Variants in KCNK2 observed in about 807,000 individuals in gnomAD.
KCNK2 encodes the protein potassium channel subfamily K member 2.
Under a neutral mutation model 40.5 loss-of-function variants are expected in KCNK2, and 21 were observed. The ratio of observed to expected loss-of-function variants is 0.52; its 90% CI spans 0.37 to 0.75. The LOEUF is 0.75. Among genes scored for constraint, KCNK2 ranks in the 30% least tolerant of loss-of-function variants. The pLI, the probability that KCNK2 is intolerant of heterozygous loss-of-function variation, is 0.00. For synonymous variants in KCNK2, 191 were observed against 202.2 expected (o/e 0.94, Z 0.47); for missense variants, 399 against 531.6 (o/e 0.75, Z 2.45).
chr1:215,221,262 T>C (rs1044545272), intron 6 of KCNK2, among the ~76,000 whole-genome samples: 1 of 152,134 alleles, frequency 6.6e-6, no homozygotes, highest in African/African-American at 2.4e-5. Context: ...TAATCCCAGC[T>C]ACTCAGGAGG....
At chr1:215,097,956 G>A (rs113758743) in intron 2 of KCNK2, among the ~76,000 whole-genome samples, 69 of 152,012 alleles carry the variant, frequency 4.5e-4, no homozygotes, top group African/African-American at 1.6e-3. Flanking sequence ...TTAAATATCC[G>A]CATAGGTTAG....
chr1:215,032,662 T>G lies in KCNK2; in HGVS notation c.34+26707T>G, dbSNP rs146085979. 3.4e-3 allele frequency among the ~76,000 whole-genome samples: 524 copies of G among 152,200 alleles called. 3 individuals carry two copies. The highest frequency in any genetic ancestry group is 0.012 in the African/African-American group (511 of 41,524). ...AATTTCCCAGCGTATGAAATTGAGG[T>G]TAGTGGATTTTTTTCTCTCAGTATT... is the stretch of plus-strand genomic sequence containing the variant. On this transcript the variant is annotated intron_variant, in intron 1 of 6. Transcript: ENST00000391895.
chr1:215,016,049 A>C (rs1377106995), intron 1 of KCNK2, among the ~76,000 whole-genome samples: 1 of 152,176 alleles, frequency 6.6e-6, no homozygotes, highest in Non-Finnish European at 1.5e-5. Context: ...TGTATGTATA[A>C]TCAAAACTTA....
intron 1 of KCNK2, among the ~76,000 whole-genome samples, chr1:215,055,311 T>C (rs1658120578): frequency 1.3e-5 from 2 of 152,314 alleles, no homozygotes; most frequent in Non-Finnish European, 2.9e-5. Flanking sequence ...CAGAATGTGT[T>C]CCCATTTCAC....
At chr1:215,053,936 C>T (rs187907804) in intron 1 of KCNK2, among the ~76,000 whole-genome samples, 4 of 152,314 alleles carry the variant, frequency 2.6e-5, no homozygotes, top group African/African-American at 9.6e-5. Flanking sequence ...CCCTGCACTC[C>T]GGCCTGGGCG....
intron 1 of KCNK2, among the ~76,000 whole-genome samples, chr1:215,044,832 C>T (rs932660300): frequency 1.8e-3 from 248 of 140,692 alleles, no homozygotes; most frequent in African/African-American, 5.3e-3. Flanking sequence ...TGTGTGCGCG[C>T]GCACACGTGT....
intron 1 of KCNK2, among the ~76,000 whole-genome samples, chr1:215,048,114 C>T (rs1657849330): frequency 6.6e-6 from 1 of 152,152 alleles, no homozygotes; most frequent in East Asian, 1.9e-4. Flanking sequence ...TATTGGCCTC[C>T]TTGGCTTAAG....
intron 1 of KCNK2, among the ~76,000 whole-genome samples, chr1:215,037,099 G>T (rs555946939): frequency 6.8e-6 from 1 of 147,778 alleles, no homozygotes; most frequent in African/African-American, 2.5e-5. Context: ...GATCTTAGAA[G>T]GGCAAAGCAT....
chr1:215,086,478 A>C lies in KCNK2; in HGVS notation c.157A>C (p.Thr53Pro). Residue 53 changes from threonine to proline, a missense_variant, in exon 2 of 7, where the codon ACC becomes CCC. By Grantham distance (38) the Thr-to-Pro change is conservative. Coordinates refer to ENST00000444842, the MANE Select transcript of KCNK2 (RefSeq NM_001017425.3). Reference protein sequence around the residue: ...VLASRVESDTTINVMKWKTVS... With the variant: ...VLASRVESDTPINVMKWKTVS... ...TGCTTCCCGGGTGGAGAGTGACACG[A>C]CCATTAATGTTATGAAATGGAAGAC... 6.2e-7 allele frequency: 1 copy of C among 1,614,010 alleles called. No homozygotes were observed. The highest frequency in any genetic ancestry group is 2.2e-5 in the East Asian group (1 of 44,860).
At chr1:215,087,812 C>T (rs1395888531) in intron 2 of KCNK2, among the ~76,000 whole-genome samples, 7 of 152,176 alleles carry the variant, frequency 4.6e-5, no homozygotes, top group African/African-American at 1.7e-4. Context: ...CTCTCATTTC[C>T]TCTTGCCATG....
At position 215,082,835 on chromosome 1, in the gene KCNK2, G is replaced by A. The variant is rs896659210; in HGVS notation, c.-551G>A. On this transcript the variant is annotated 5_prime_UTR_variant, in exon 1 of 7. Transcript: ENST00000444842. ...CCGGACCGTGCCACACACCCCCCGCGGGGCACGGAGGGCATTGCGGGGGGA... is the reference window on the plus strand; with the variant it reads ...CCGGACCGTGCCACACACCCCCCGCAGGGCACGGAGGGCATTGCGGGGGGA... Among the ~76,000 whole-genome samples, 4 of 152,008 alleles carry A rather than the reference G, an allele frequency of 2.6e-5. No individual in the cohort carries two copies. The highest frequency in any genetic ancestry group is 5.9e-5 in the Non-Finnish European group (4 of 67,986).
At chr1:215,047,615 A>G (rs1657821392) in intron 1 of KCNK2, among the ~76,000 whole-genome samples, 1 of 152,126 alleles carries the variant, frequency 6.6e-6, no homozygotes, top group Non-Finnish European at 1.5e-5. Context: ...AATGGTATTG[A>G]TGTTTGCTCC....
chr1:215,024,265 G>T (rs1466831287), intron 1 of KCNK2, among the ~76,000 whole-genome samples: 1 of 152,134 alleles, frequency 6.6e-6, no homozygotes, highest in African/African-American at 2.4e-5. Context: ...CTTTGAATGG[G>T]GCCAGTATTA....
intron 3 of KCNK2, among the ~76,000 whole-genome samples, chr1:215,126,765 C>T (rs1661454730): frequency 6.6e-6 from 1 of 152,148 alleles, no homozygotes; most frequent in South Asian, 2.1e-4. Flanking sequence ...AGTAGCTGAT[C>T]ATTTAGGCCC....
At chr1:215,143,023 T>G (rs2102603012) in intron 3 of KCNK2, among the ~76,000 whole-genome samples, 1 of 152,226 alleles carries the variant, frequency 6.6e-6, no homozygotes, top group East Asian at 1.9e-4. Context: ...TTTTTTGTGT[T>G]TGTACTTCAC....
Position 215,008,115 on chromosome 1 carries a change from C to CTTT in KCNK2, c.34+2173_34+2175dup, listed in dbSNP as rs79977750. Among the ~76,000 whole-genome samples, 8 of 133,076 alleles carry CTTT rather than the reference C, an allele frequency of 6.0e-5. No individual in the cohort carries two copies. In the East Asian group the frequency reaches 1.1e-3, roughly 18 times the overall value. The allele number at this position is 133,076 out of a possible 152,430, so 87.3% of individuals were successfully genotyped here. On this transcript the variant is annotated intron_variant, in intron 1 of 6. Coordinates refer to the KCNK2 transcript ENST00000391895. ...ACACAATATTACAGAAGTCCTAAGTCTTTTTTTTTTTTTTTAAGGAAAAGG... is the reference window on the plus strand; with the variant it reads ...ACACAATATTACAGAAGTCCTAAGTCTTTTTTTTTTTTTTTTTTAAGGAAAAGG...
chr1:215,107,316 G>A (rs1050589317), intron 2 of KCNK2, among the ~76,000 whole-genome samples: 2 of 151,816 alleles, frequency 1.3e-5, no homozygotes, highest in East Asian at 1.9e-4. Context: ...TTGGTTAGAC[G>A]TATTCCTAGG....
intron 1 of KCNK2, among the ~76,000 whole-genome samples, chr1:215,022,519 C>G (rs1042212172): frequency 4.6e-5 from 7 of 152,154 alleles, no homozygotes; most frequent in Non-Finnish European, 7.3e-5. Flanking sequence ...AAATTTGTCT[C>G]AGCCTTTTTT....
intron 5 of KCNK2, among the ~76,000 whole-genome samples, chr1:215,180,127 T>C (rs148295195): frequency 2.5e-3 from 378 of 152,298 alleles, no homozygotes; most frequent in African/African-American, 8.9e-3. Context: ...ACTTTGTCCT[T>C]TTTTACTGTT....
Sources: allele counts gnomAD v4.1 joint callset (sites outside exome capture counted in the v4.1 genomes callset), GRCh38; gene constraint gnomAD v4.1.1; transcripts MANE v1.5; gene names NCBI Gene and HGNC (gene_info 2026-07-23, HGNC 2026-07-21).